SPOCK1: variants seen among roughly 807,000 people sequenced by gnomAD.
The protein encoded by SPOCK1 is SPARC (osteonectin), cwcv and kazal like domains proteoglycan 1.
In SPOCK1, 23 loss-of-function variants were observed where a neutral mutation model predicts 55.3. The ratio of observed to expected loss-of-function variants is 0.42; its 90% CI spans 0.30 to 0.59. The LOEUF (loss-of-function observed/expected upper bound fraction) is 0.59, where lower values mean the gene tolerates loss of function less well. SPOCK1 is among the 20% of genes least tolerant of loss of function. The probability of loss-of-function intolerance (pLI) is 0.22; values close to 1 mark genes in which losing one functional copy is unlikely to be tolerated. For synonymous variants in SPOCK1, 226 were observed against 221.0 expected (o/e 1.02, Z -0.20); for missense variants, 499 against 552.5 (o/e 0.90, Z 0.97).
In SPOCK1 at chr5:137,160,110, G is replaced by A. The variant is rs1241116484; in HGVS notation, c.233-19416C>T. ...ATATTTGTAGTCTTTTATCCCTCAC[G>A]CCCTTCCCACTCTTCCCAAGTCCCC... On this transcript the variant is annotated intron_variant, in intron 3 of 10. Coordinates refer to ENST00000394945, the MANE Select transcript of SPOCK1 (RefSeq NM_004598.4). Among the ~76,000 whole-genome samples the A allele has an allele frequency of 6.6e-5, 10 of 151,298 alleles. 1 individual carries two copies. The highest frequency in any genetic ancestry group is 1.9e-4 in the East Asian group (1 of 5,144).
chr5:137,283,831 T>C (rs935845774), intron 2 of SPOCK1, among the ~76,000 whole-genome samples: 1 of 152,038 alleles, frequency 6.6e-6, no homozygotes, highest in African/African-American at 2.4e-5. Flanking sequence ...GCATAGTCGA[T>C]GTGAAAACAT....
chr5:137,272,336 A>ATTT (rs1756979768), intron 2 of SPOCK1, among the ~76,000 whole-genome samples: 1 of 152,240 alleles, frequency 6.6e-6, no homozygotes, highest in Non-Finnish European at 1.5e-5. Context: ...AGAAGTCACC[A>ATTT]GAAAAGTGAG....
At chr5:137,347,054 G>A (rs1018122217) in intron 2 of SPOCK1, among the ~76,000 whole-genome samples, 7 of 152,098 alleles carry the variant, frequency 4.6e-5, no homozygotes, top group Non-Finnish European at 8.8e-5. Context: ...TACCTCCCCT[G>A]CAGCGTCATT....
At chr5:137,428,971 A>C (rs755363467) in intron 2 of SPOCK1, among the ~76,000 whole-genome samples, 18 of 152,206 alleles carry the variant, frequency 1.2e-4, no homozygotes, top group Non-Finnish European at 1.0e-4. Context: ...TTCATCCTGC[A>C]AGAAGAATGA....
intron 2 of SPOCK1, among the ~76,000 whole-genome samples, chr5:137,337,534 A>G (rs569997957): frequency 5.3e-5 from 8 of 152,334 alleles, no homozygotes; most frequent in African/African-American, 1.9e-4. Flanking sequence ...ACTTCACAAC[A>G]TCCTCCACTT....
intron 6 of SPOCK1, among the ~76,000 whole-genome samples, chr5:137,044,389 A>G (rs1254955225): frequency 6.6e-6 from 1 of 152,252 alleles, no homozygotes; most frequent in Non-Finnish European, 1.5e-5. Context: ...CACACAAAAG[A>G]AATGTAACAT....
In SPOCK1 at chr5:136,977,826, G is replaced by A. The variant is rs967104856; in HGVS notation, c.*828C>T. Reference sequence around the variant, plus strand: ...AGCCTGCAGGCTACAAGAGCCAACTGTTAGTGCAAAAAAGGACTTTAATAC... The same window carrying A: ...AGCCTGCAGGCTACAAGAGCCAACTATTAGTGCAAAAAAGGACTTTAATAC... On this transcript the variant is annotated 3_prime_UTR_variant, in exon 11 of 11. Coordinates refer to ENST00000394945, the MANE Select transcript of SPOCK1 (RefSeq NM_004598.4). The A allele has an allele frequency of 1.3e-5, 5 of 398,794 alleles. No homozygotes were observed. The East Asian group carries it at 1.8e-4, about 14-fold the overall frequency. The allele number at this position is 398,794 out of a possible 1,614,324, so 24.7% of individuals were successfully genotyped here.
At chr5:137,413,199 A>G (rs1752246228) in intron 2 of SPOCK1, among the ~76,000 whole-genome samples, 1 of 152,174 alleles carries the variant, frequency 6.6e-6, no homozygotes, top group Admixed American at 6.5e-5. Flanking sequence ...GAAGAGCTAT[A>G]CTTTGCTTCT....
intron 6 of SPOCK1, among the ~76,000 whole-genome samples, chr5:137,035,736 G>A (rs1036126895): frequency 6.6e-6 from 1 of 152,198 alleles, no homozygotes; most frequent in African/African-American, 2.4e-5. Flanking sequence ...TGGAGCTGTG[G>A]TGGGGAGCAT....
intron 3 of SPOCK1, among the ~76,000 whole-genome samples, chr5:137,192,520 C>G (rs569469054): frequency 1.3e-5 from 2 of 152,332 alleles, no homozygotes; most frequent in Non-Finnish European, 2.9e-5. Flanking sequence ...GACTGCCTCC[C>G]TGGCATCTGC....
At chr5:137,208,765 A>G (rs1240266818) in intron 3 of SPOCK1, among the ~76,000 whole-genome samples, 1 of 152,042 alleles carries the variant, frequency 6.6e-6, no homozygotes, top group Non-Finnish European at 1.5e-5. Context: ...TACTATACTC[A>G]GTACCTGGGT....
At chr5:137,389,169 C>T (rs1209627811) in intron 2 of SPOCK1, among the ~76,000 whole-genome samples, 1 of 152,162 alleles carries the variant, frequency 6.6e-6, no homozygotes, top group Non-Finnish European at 1.5e-5. Flanking sequence ...TAAAATAGCA[C>T]AGAAGCATCT....
chr5:137,152,750 C>T (rs1270146779), intron 3 of SPOCK1, among the ~76,000 whole-genome samples: 2 of 152,202 alleles, frequency 1.3e-5, no homozygotes. Flanking sequence ...GTTCCCATTT[C>T]CTGCCAATAT....
At chr5:136,983,198 AAATTTGCCTT>A (rs1750766597) in intron 9 of SPOCK1, among the ~76,000 whole-genome samples, 1 of 152,146 alleles carries the variant, frequency 6.6e-6, no homozygotes, top group African/African-American at 2.4e-5. Context: ...TTACATTTTC[AAATTTGCCTT>A]TTATTTAGTG....
rs538659406 is a variant in SPOCK1, at chr5:137,419,134, G to A, written c.186+79239C>T. ...GTAGATATGCAGCATTATTTCTGACGGCTCTGTTCTGTTCCATTGGTCTAT... is the reference window on the plus strand; with the variant it reads ...GTAGATATGCAGCATTATTTCTGACAGCTCTGTTCTGTTCCATTGGTCTAT... On this transcript the variant is annotated intron_variant, in intron 2 of 10. Transcript: ENST00000394945. 1.4e-4 allele frequency among the ~76,000 whole-genome samples: 22 copies of A among 152,208 alleles called. No individual in the cohort carries two copies. The East Asian group carries it at 2.1e-3, about 15-fold the overall frequency.
rs191600485 is a variant in SPOCK1, at chr5:137,352,452, A to G, written c.187-85397T>C. ...TGCTGAGGATGCCGCATTCTTGGACATATGATTGCTAAAGAATTTTCTATC... is the reference window on the plus strand; with the variant it reads ...TGCTGAGGATGCCGCATTCTTGGACGTATGATTGCTAAAGAATTTTCTATC... On this transcript the variant is annotated intron_variant, in intron 2 of 10. Transcript: ENST00000394945. Among the ~76,000 whole-genome samples the G allele has an allele frequency of 2.0e-3, 301 of 152,354 alleles. 1 individual carries two copies. The highest frequency in any genetic ancestry group is 6.8e-3 in the Middle Eastern group (2 of 294).
At chr5:137,054,801 A>T (rs1752272137) in intron 6 of SPOCK1, among the ~76,000 whole-genome samples, 1 of 152,196 alleles carries the variant, frequency 6.6e-6, no homozygotes, top group African/African-American at 2.4e-5. Context: ...ACATATTACA[A>T]ATTAATATTT....
At chr5:137,421,631 T>C (rs1267448447) in intron 2 of SPOCK1, among the ~76,000 whole-genome samples, 2 of 152,238 alleles carry the variant, frequency 1.3e-5, no homozygotes, top group Non-Finnish European at 1.5e-5. Flanking sequence ...CCTGCCTTTT[T>C]ATGTTTTCCA....
Position 137,183,270 on chromosome 5 carries a change from T to G in SPOCK1, c.233-42576A>C, listed in dbSNP as rs539696208. Among the ~76,000 whole-genome samples, 3 of 152,264 alleles carry G rather than the reference T, an allele frequency of 2.0e-5. No individual in the cohort carries two copies. The South Asian group carries it at 6.2e-4, about 32-fold the overall frequency. On this transcript the variant is annotated intron_variant, in intron 3 of 10. Transcript: ENST00000394945. ...CAGGCACTAAGGTCCGCACATGGTA[T>G]GAAGCAACATGCATGGGGTCACAGA...
Sources: allele counts gnomAD v4.1 joint callset (sites outside exome capture counted in the v4.1 genomes callset), GRCh38; gene constraint gnomAD v4.1.1; transcripts MANE v1.5; gene names NCBI Gene and HGNC (gene_info 2026-07-23, HGNC 2026-07-21).